The following ASAP3 variants were observed in gnomAD, a reference collection of about 807,000 sequenced individuals.
ASAP3 encodes the protein ArfGAP with SH3 domain, ankyrin repeat and PH domain 3, also known as arf-GAP with SH3 domain, ANK repeat and PH domain-containing protein 3.
In ASAP3, 85 loss-of-function variants were observed where a neutral mutation model predicts 118.2. The observed-to-expected ratio is 0.72, with a 90% CI of 0.60 to 0.86. The LOEUF is 0.86. Ranked by LOEUF, ASAP3 falls within the 40% of genes least tolerant of loss-of-function variation. The pLI, the probability that ASAP3 is intolerant of heterozygous loss-of-function variation, is 0.00. For missense variants in ASAP3, 1,026 were observed against 1,175.0 expected, an observed-to-expected ratio of 0.87 and a Z score of 1.85; for synonymous variants, 432 against 477.4, an observed-to-expected ratio of 0.90 and a Z score of 1.24.
At chr1:23,481,401 GA>G (rs1642302785) in intron 1 of ASAP3, among the ~76,000 whole-genome samples, 1 of 152,150 alleles carries the variant, frequency 6.6e-6, no homozygotes, top group African/African-American at 2.4e-5. Context: ...AGAACTGGGG[GA>G]AAAAATTGCA....
intron 1 of ASAP3, among the ~76,000 whole-genome samples, chr1:23,470,791 G>A (rs1641938608): frequency 6.6e-6 from 1 of 152,258 alleles, no homozygotes. Context: ...CCCTTGTGGG[G>A]TGGTGGGAAG....
At chr1:23,444,752 T>C (rs1457589106) in intron 5 of ASAP3, among the ~76,000 whole-genome samples, 2 of 152,152 alleles carry the variant, frequency 1.3e-5, no homozygotes, top group African/African-American at 4.8e-5. Flanking sequence ...TGGGATAGTG[T>C]TCATATACAG....
chr1:23,438,850 G>A lies in ASAP3; in HGVS notation c.1015-16C>T. ...GCCGGTTTATCTGTGGGAATTTAGG[G>A]GCGGAGGATGTATGCATTACCTCTG... On this transcript the variant is annotated splice_polypyrimidine_tract_variant and intron_variant, in intron 11 of 24. Transcript: ENST00000336689. The surrounding 1 kb of genome is among the most constrained non-coding windows in gnomAD (Gnocchi z 4.9). 1 of 1,613,590 alleles carries A rather than the reference G, an allele frequency of 6.2e-7. No individual in the cohort carries two copies. The highest frequency in any genetic ancestry group is 8.5e-7 in the Non-Finnish European group (1 of 1,179,562).
intron 1 of ASAP3, among the ~76,000 whole-genome samples, chr1:23,472,052 A>G (rs1641979327): frequency 6.6e-6 from 1 of 152,216 alleles, no homozygotes; most frequent in Non-Finnish European, 1.5e-5. Flanking sequence ...GTAAAGCCAT[A>G]GAGATGGAAA....
chr1:23,453,631 T>C (rs1199177584), intron 3 of ASAP3, among the ~76,000 whole-genome samples: 1 of 152,142 alleles, frequency 6.6e-6, no homozygotes, highest in Non-Finnish European at 1.5e-5. Context: ...TTTCTGTGAT[T>C]TCGCAACCTA....
intron 24 of ASAP3, among the ~76,000 whole-genome samples, chr1:23,430,443 G>A (rs1640383330): frequency 6.6e-6 from 1 of 152,206 alleles, no homozygotes; most frequent in Non-Finnish European, 1.5e-5. Flanking sequence ...TGATTCAGCA[G>A]GGAGAAGCTG....
chr1:23,471,758 G>A (rs978660430), intron 1 of ASAP3, among the ~76,000 whole-genome samples: 1 of 151,660 alleles, frequency 6.6e-6, no homozygotes, highest in Non-Finnish European at 1.5e-5. Context: ...ATTTAAGCAC[G>A]TGGCCCAGCA....
At chr1:23,476,800 C>T (rs1411060228) in intron 1 of ASAP3, among the ~76,000 whole-genome samples, 1 of 152,164 alleles carries the variant, frequency 6.6e-6, no homozygotes, top group African/African-American at 2.4e-5. Flanking sequence ...TGCCTCAGGA[C>T]CTTTGCCTAA....
At chr1:23,445,216 G>C (rs1570356326) in intron 5 of ASAP3, among the ~76,000 whole-genome samples, 4 of 152,112 alleles carry the variant, frequency 2.6e-5, no homozygotes, top group Admixed American at 2.0e-4. Context: ...AGGGCTGGGC[G>C]TGGAAGCTTA....
chr1:23,452,581 C>T (rs547910578), intron 4 of ASAP3, 116 bp downstream of exon 4: 30 of 1,173,692 alleles, frequency 2.6e-5, no homozygotes, highest in African/African-American at 2.0e-4. Context: ...TCATCACTCC[C>T]GCTAAGACAG....
intron 1 of ASAP3, among the ~76,000 whole-genome samples, chr1:23,461,676 CA>C (rs112475603): frequency 7.6e-4 from 92 of 121,436 alleles, no homozygotes; most frequent in Middle Eastern, 4.1e-3. Flanking sequence ...CACCCCCCCA[CA>C]AAAAAAAAAA....
At chr1:23,476,661 C>T (rs1642137964) in intron 1 of ASAP3, among the ~76,000 whole-genome samples, 1 of 152,194 alleles carries the variant, frequency 6.6e-6, no homozygotes, top group Non-Finnish European at 1.5e-5. Context: ...ACTACCAGGG[C>T]CATCAAACTT....
At chr1:23,465,153 T>C (rs779098833) in intron 1 of ASAP3, among the ~76,000 whole-genome samples, 12 of 152,252 alleles carry the variant, frequency 7.9e-5, no homozygotes, top group Non-Finnish European at 1.0e-4. Flanking sequence ...AAAAATGTTA[T>C]CTACTTCAAA....
At chr1:23,479,073 A>G (rs560776018) in intron 1 of ASAP3, among the ~76,000 whole-genome samples, 1 of 152,288 alleles carries the variant, frequency 6.6e-6, no homozygotes, top group South Asian at 2.1e-4. Context: ...CCAGGGGTGG[A>G]GACCCAGCCA....
chr1:23,442,341 C>T (rs1640903067), intron 6 of ASAP3, 70 bp from the exon 7 acceptor site: 1 of 1,566,656 alleles, frequency 6.4e-7, no homozygotes, highest in Non-Finnish European at 8.7e-7. Flanking sequence ...GGGCTGCAGT[C>T]CCCATCCCAG....
intron 3 of ASAP3, among the ~76,000 whole-genome samples, chr1:23,453,403 T>A (rs1049847172): frequency 3.9e-5 from 6 of 152,072 alleles, no homozygotes; most frequent in African/African-American, 1.4e-4. Context: ...CCAATCACAA[T>A]CCTCGCTGGG....
chr1:23,433,177 T>G lies in ASAP3; in HGVS notation c.2223A>C (p.Ala741=). 6.2e-7 allele frequency: 1 copy of G among 1,614,152 alleles called. No individual in the cohort carries two copies. Among genetic ancestry groups the G allele is most frequent in the Non-Finnish European group, 8.5e-7 (1 of 1,180,020 alleles). ...KTYETVASLG[A]ATPQGESEDC... ...CCTCACTCTCGCCCTGAGGGGTGGCTGCTCCCAGGCTGGCGACAGTCTCAT... is the reference window on the plus strand; with the variant it reads ...CCTCACTCTCGCCCTGAGGGGTGGCGGCTCCCAGGCTGGCGACAGTCTCAT... Residue 741 remains alanine (A), a synonymous_variant, in exon 22 of 25, where the codon GCA becomes GCC. Coordinates refer to ENST00000336689, the MANE Select transcript of ASAP3 (RefSeq NM_017707.4).
chr1:23,477,414 T>C (rs1447317014), intron 1 of ASAP3, among the ~76,000 whole-genome samples: 1 of 134,920 alleles, frequency 7.4e-6, no homozygotes, highest in African/African-American at 2.7e-5. Flanking sequence ...TGTTCCTTGG[T>C]GATGAGGGGC....
chr1:23,432,023 T>C (rs1640455650), intron 22 of ASAP3, 105 bp from the exon 23 acceptor site: 3 of 1,053,446 alleles, frequency 2.8e-6, no homozygotes, highest in Non-Finnish European at 4.0e-6. Flanking sequence ...TTTTTTTTTT[T>C]TGAGACAGAG....
Sources: allele counts gnomAD v4.1 joint callset (sites outside exome capture counted in the v4.1 genomes callset), GRCh38; gene constraint gnomAD v4.1.1; non-coding constraint Gnocchi (gnomAD v3.1); transcripts MANE v1.5; gene names NCBI Gene and HGNC (gene_info 2026-07-23, HGNC 2026-07-21).